Variants in TNFSF4 observed in about 807,000 individuals in gnomAD.
TNFSF4 encodes the protein TNF superfamily member 4.
In TNFSF4, 4 loss-of-function variants were observed where a neutral mutation model predicts 7.3. The ratio of observed to expected loss-of-function variants is 0.55; its 90% CI spans 0.27 to 1.25. TNFSF4 has a LOEUF of 1.25. Ranked by LOEUF, TNFSF4 falls within the 50% of genes most tolerant of loss-of-function variation. The pLI, the probability that TNFSF4 is intolerant of heterozygous loss-of-function variation, is 0.12. For synonymous variants in TNFSF4, 76 were observed against 83.7 expected, an observed-to-expected ratio of 0.91 and a Z score of 0.50; for missense variants, 181 against 208.8, an observed-to-expected ratio of 0.87 and a Z score of 0.82.
At chr1:173,393,119 G>C in the TNFSF4 span, among the ~76,000 whole-genome samples, 3 of 152,174 alleles carry the variant, frequency 2.0e-5, no homozygotes, top group Admixed American at 6.6e-5. Context: ...AATAGCCAGA[G>C]ACGTAGATGA....
the TNFSF4 span, among the ~76,000 whole-genome samples, chr1:173,239,027 G>T: frequency 6.6e-6 from 1 of 152,168 alleles, no homozygotes; most frequent in Non-Finnish European, 1.5e-5. Flanking sequence ...GCTTCCCTGA[G>T]CCTGTTATCT....
At chr1:173,435,533 G>A in the TNFSF4 span, among the ~76,000 whole-genome samples, 3 of 152,226 alleles carry the variant, frequency 2.0e-5, no homozygotes, top group Non-Finnish European at 2.9e-5. Context: ...AAGGCAGGAA[G>A]GAGCCCTCAC....
At chr1:173,398,871 G>GCAACATAT in the TNFSF4 span, among the ~76,000 whole-genome samples, 1 of 152,164 alleles carries the variant, frequency 6.6e-6, no homozygotes, top group African/African-American at 2.4e-5. Context: ...GATTCTGGAG[G>GCAACATAT]CAACATATTC....
At chr1:173,346,458 A>G in the TNFSF4 span, among the ~76,000 whole-genome samples, 1 of 152,202 alleles carries the variant, frequency 6.6e-6, no homozygotes, top group Non-Finnish European at 1.5e-5. Context: ...GAGTCCATCC[A>G]TGTATTAATT....
At chr1:173,448,272 C>T in the TNFSF4 span, among the ~76,000 whole-genome samples, 1,165 of 152,222 alleles carry the variant, frequency 7.7e-3, 16 homozygotes, top group African/African-American at 0.027. Flanking sequence ...ACATAATTTA[C>T]CTTTATAAAA....
chr1:173,258,903 T>A, the TNFSF4 span, among the ~76,000 whole-genome samples: 8 of 152,232 alleles, frequency 5.3e-5, no homozygotes, highest in South Asian at 1.7e-3. Context: ...GTCTCTGTGG[T>A]TCATTCAGCA....
chr1:173,186,931 A>T, intron 2 of TNFSF4, 66 bp from the exon 3 acceptor site: 1 of 1,059,330 alleles, frequency 9.4e-7, no homozygotes, highest in Non-Finnish European at 1.4e-6. Flanking sequence ...ACAACCTTCC[A>T]ATACATCTGG....
the TNFSF4 span, among the ~76,000 whole-genome samples, chr1:173,327,209 G>A: frequency 7.2e-5 from 11 of 152,198 alleles, no homozygotes; most frequent in East Asian, 3.9e-4. Flanking sequence ...CAGAAATAAC[G>A]CCGCATATCT....
upstream of TNFSF4, among the ~76,000 whole-genome samples, chr1:173,210,641 A>G (rs1650342564): frequency 6.6e-6 from 1 of 152,182 alleles, no homozygotes. Flanking sequence ...GTGATATGAT[A>G]TGATATGATT....
At chr1:173,328,648 A>G in the TNFSF4 span, among the ~76,000 whole-genome samples, 7 of 151,974 alleles carry the variant, frequency 4.6e-5, no homozygotes, top group Non-Finnish European at 7.4e-5. Context: ...AAACCTGCAC[A>G]TTCTGCACAT....
At chr1:173,198,987 T>C (rs1649829525) in intron 1 of TNFSF4, among the ~76,000 whole-genome samples, 1 of 152,160 alleles carries the variant, frequency 6.6e-6, no homozygotes, top group Non-Finnish European at 1.5e-5. Flanking sequence ...AAGTACCTAA[T>C]GCAAAAAACA....
At chr1:173,375,593 ACTCTGTAAAATGCACCAATCAGTG>A in the TNFSF4 span, among the ~76,000 whole-genome samples, 1 of 152,002 alleles carries the variant, frequency 6.6e-6, no homozygotes, top group African/African-American at 2.4e-5. Flanking sequence ...ACCAATCAGC[ACTCTGTAAAATGCACCAATCAGTG>A]CTCTGTAAAA....
At chr1:173,388,579 G>A in the TNFSF4 span, among the ~76,000 whole-genome samples, 2 of 152,190 alleles carry the variant, frequency 1.3e-5, no homozygotes. Context: ...GCACCATGAT[G>A]TGTGATATCA....
the TNFSF4 span, among the ~76,000 whole-genome samples, chr1:173,389,956 G>T: frequency 6.6e-6 from 1 of 151,914 alleles, no homozygotes; most frequent in South Asian, 2.1e-4. Flanking sequence ...TTAAAGACTT[G>T]AATAATCCCA....
downstream of TNFSF4, among the ~76,000 whole-genome samples, chr1:173,181,564 A>G (rs1299832294): frequency 6.6e-6 from 1 of 152,142 alleles, no homozygotes; most frequent in East Asian, 1.9e-4. Context: ...CCATGAGACC[A>G]TGGCACCAGA....
the TNFSF4 span, among the ~76,000 whole-genome samples, chr1:173,281,098 G>T: frequency 2.0e-5 from 3 of 152,050 alleles, no homozygotes; most frequent in Admixed American, 6.5e-5. Flanking sequence ...GTTCATAAGC[G>T]TGATAATTGG....
intron 1 of TNFSF4, 71 bp from the exon 2 acceptor site, chr1:173,188,640 T>A: frequency 7.6e-7 from 1 of 1,317,876 alleles, no homozygotes; most frequent in Non-Finnish European, 1.1e-6. Context: ...TCATATTTAA[T>A]GGAACAGTGA....
the TNFSF4 span, among the ~76,000 whole-genome samples, chr1:173,292,689 GAGA>G: frequency 6.6e-6 from 1 of 151,792 alleles, no homozygotes; most frequent in Non-Finnish European, 1.5e-5. Context: ...CAAACAGGAA[GAGA>G]AGAAGTTAAA....
the TNFSF4 span, among the ~76,000 whole-genome samples, chr1:173,262,842 C>T: frequency 1.3e-5 from 2 of 152,134 alleles, no homozygotes; most frequent in African/African-American, 4.8e-5. Context: ...CCTCATGATC[C>T]GCCCGTCTCG....
Sources: allele counts gnomAD v4.1 joint callset (sites outside exome capture counted in the v4.1 genomes callset), GRCh38; gene constraint gnomAD v4.1.1; transcripts MANE v1.5; gene names NCBI Gene and HGNC (gene_info 2026-07-23, HGNC 2026-07-21).